FILIP1: variants seen among roughly 807,000 people sequenced by gnomAD.
FILIP1 encodes the protein filamin A interacting protein 1, also known as filamin-A-interacting protein 1.
A neutral mutation model predicts 102.1 loss-of-function variants in FILIP1; 61 were observed. The observed-to-expected ratio is 0.60, with a 90% CI of 0.49 to 0.74. The LOEUF (loss-of-function observed/expected upper bound fraction) is 0.74, where lower values mean the gene tolerates loss of function less well. Ranked by LOEUF, FILIP1 falls within the 30% of genes least tolerant of loss-of-function variation. FILIP1 has a pLI of 0.00. For synonymous variants in FILIP1, 491 were observed against 526.9 expected (o/e 0.93, Z 0.93); for missense variants, 1,314 against 1,441.2 (o/e 0.91, Z 1.43).
At chr6:75,298,602 A>G (rs921092719) in intron 6 of FILIP1, among the ~76,000 whole-genome samples, 2 of 152,170 alleles carry the variant, frequency 1.3e-5, no homozygotes, top group Admixed American at 1.3e-4. Context: ...CCAATGCACA[A>G]AATTGTGATA....
intron 4 of FILIP1, among the ~76,000 whole-genome samples, chr6:75,348,064 C>A (rs73751823): frequency 6.8e-6 from 1 of 146,062 alleles, no homozygotes; most frequent in South Asian, 2.1e-4. Flanking sequence ...ATCAGTTATA[C>A]ACACACACAC....
At chr6:75,409,462 C>T (rs1776981014) in intron 2 of FILIP1, among the ~76,000 whole-genome samples, 1 of 152,148 alleles carries the variant, frequency 6.6e-6, no homozygotes, top group South Asian at 2.1e-4. Flanking sequence ...TGACCTCACT[C>T]ACTCCTGGGT....
At chr6:75,318,650 TAC>T (rs1206071826) in intron 4 of FILIP1, among the ~76,000 whole-genome samples, 2 of 152,240 alleles carry the variant, frequency 1.3e-5, no homozygotes, top group Non-Finnish European at 2.9e-5. Context: ...TCTTTGCAAT[TAC>T]AGAGTGGTAT....
In FILIP1 at chr6:75,308,524, A is replaced by G; in HGVS notation, c.*167T>C. ...TTGCTAATTTTGTTCCCCAGCATCA[A>G]AACAAATGCACAAAATGGGAAAGAC... On this transcript the variant is annotated 3_prime_UTR_variant, in exon 6 of 6. Coordinates refer to ENST00000237172, the MANE Select transcript of FILIP1 (RefSeq NM_015687.5). 6.9e-7 allele frequency: 1 copy of G among 1,442,162 alleles called. No homozygotes were observed. Among genetic ancestry groups the G allele is most frequent in the Non-Finnish European group, 9.1e-7 (1 of 1,101,242 alleles). 89.3% of individuals were successfully genotyped at this position (1,442,162 alleles called of 1,614,324 possible). A position where few individuals can be genotyped will look rare whatever the true frequency, so the allele number is the denominator to read the frequency against.
chr6:75,305,944 A>G (rs1206758752), downstream of FILIP1, among the ~76,000 whole-genome samples: 3 of 152,172 alleles, frequency 2.0e-5, no homozygotes, highest in Admixed American at 1.3e-4. Flanking sequence ...GGACAGAGAA[A>G]ATATTGCAAA....
intron 4 of FILIP1, among the ~76,000 whole-genome samples, chr6:75,322,300 C>T (rs538226618): frequency 3.9e-5 from 6 of 152,142 alleles, no homozygotes; most frequent in African/African-American, 1.4e-4. Flanking sequence ...GCACCATTTC[C>T]GTGTAATTAT....
At chr6:75,462,187 G>A (rs1779042354) in intron 1 of FILIP1, among the ~76,000 whole-genome samples, 1 of 152,276 alleles carries the variant, frequency 6.6e-6, no homozygotes, top group Admixed American at 6.5e-5. Context: ...TTAGGGCCCA[G>A]CTCCAGATAG....
At chr6:75,319,857 A>AGAAAT (rs1773586549) in intron 4 of FILIP1, 1 of 443,122 alleles carries the variant, frequency 2.3e-6, no homozygotes, top group Non-Finnish European at 4.1e-6. Context: ...AGAAAAGAAA[A>AGAAAT]CTCTGAGAAG....
chr6:75,425,186 C>T (rs1175947813), intron 1 of FILIP1, among the ~76,000 whole-genome samples: 1 of 152,136 alleles, frequency 6.6e-6, no homozygotes, highest in Non-Finnish European at 1.5e-5. Context: ...GCAACTGAAA[C>T]CACATGATTG....
rs1773349842 is a variant in FILIP1 at position 75,314,456 on chromosome 6, TC to T, written c.1375del (p.Glu459LysfsTer4). 1 of 1,585,632 alleles carries T rather than the reference TC, an allele frequency of 6.3e-7. No individual in the cohort carries two copies. Among genetic ancestry groups the T allele is most frequent in the Non-Finnish European group, 8.5e-7 (1 of 1,171,502 alleles). ...TAGCAGGTCTTTGGTTAAGTTCTTT[TC>T]TTTCTCCAGATTTAAATGTAGCTGG... ...CTQLHLNLEK[E>X]KNLTKDLLNE... On this transcript the variant is annotated frameshift_variant, in exon 5 of 6. Transcript: ENST00000237172. LOFTEE classifies it high-confidence loss of function.
intron 1 of FILIP1, among the ~76,000 whole-genome samples, chr6:75,452,232 A>G (rs994534057): frequency 6.6e-6 from 1 of 151,926 alleles, no homozygotes; most frequent in African/African-American, 2.4e-5. Context: ...TACATTAGGT[A>G]TATCTCCTAA....
intron 1 of FILIP1, among the ~76,000 whole-genome samples, chr6:75,427,477 C>T (rs1470395048): frequency 6.6e-6 from 1 of 152,112 alleles, no homozygotes; most frequent in East Asian, 1.9e-4. Context: ...AGCAAGAAGA[C>T]TCATATGGGG....
At chr6:75,406,923 G>A (rs1776874918) in intron 2 of FILIP1, among the ~76,000 whole-genome samples, 1 of 152,104 alleles carries the variant, frequency 6.6e-6, no homozygotes, top group Admixed American at 6.5e-5. Context: ...CTCCCAAAGT[G>A]TTGGGATTAC....
intron 2 of FILIP1, among the ~76,000 whole-genome samples, chr6:75,391,182 G>C (rs560100744): frequency 1.3e-5 from 2 of 151,572 alleles, no homozygotes; most frequent in South Asian, 4.2e-4. Flanking sequence ...CCTTCCATGC[G>C]CTCATTTTCC....
intron 2 of FILIP1, among the ~76,000 whole-genome samples, chr6:75,410,065 A>T (rs1777009373): frequency 6.6e-6 from 1 of 152,222 alleles, no homozygotes; most frequent in African/African-American, 2.4e-5. Flanking sequence ...ATACCACAGT[A>T]TCAGTGAGTT....
At chr6:75,347,516 A>G (rs575055379) in intron 4 of FILIP1, among the ~76,000 whole-genome samples, 1 of 152,318 alleles carries the variant, frequency 6.6e-6, no homozygotes, top group Non-Finnish European at 1.5e-5. Flanking sequence ...AGAGTGCTTT[A>G]TTTAGATTCT....
At chr6:75,429,134 A>G (rs148908340) in intron 1 of FILIP1, among the ~76,000 whole-genome samples, 1 of 152,230 alleles carries the variant, frequency 6.6e-6, no homozygotes, top group Non-Finnish European at 1.5e-5. Context: ...AGCTACACCA[A>G]GAGAGTTTCA....
intron 1 of FILIP1, among the ~76,000 whole-genome samples, chr6:75,486,279 G>A (rs1475372354): frequency 3.3e-5 from 5 of 152,128 alleles, no homozygotes; most frequent in Non-Finnish European, 7.3e-5. Context: ...TCAACCCAGC[G>A]TGTAGAAACC....
intron 2 of FILIP1, among the ~76,000 whole-genome samples, chr6:75,391,942 T>C (rs1290391819): frequency 2.6e-5 from 4 of 152,178 alleles, no homozygotes; most frequent in African/African-American, 9.6e-5. Context: ...ACTGAAACTC[T>C]TTTATGAAGG....
Sources: allele counts gnomAD v4.1 joint callset (sites outside exome capture counted in the v4.1 genomes callset), GRCh38; gene constraint gnomAD v4.1.1; transcripts MANE v1.5; gene names NCBI Gene and HGNC (gene_info 2026-07-23, HGNC 2026-07-21).